FIG4: variants seen among roughly 807,000 people sequenced by gnomAD.
FIG4 encodes FIG4 phosphoinositide 5-phosphatase.
FIG4 carries 112 observed loss-of-function variants against 118.6 expected under a neutral mutation model. The observed-to-expected ratio is 0.94, with a 90% CI of 0.81 to 1.11. The LOEUF (loss-of-function observed/expected upper bound fraction) is 1.11, where lower values mean the gene tolerates loss of function less well. Among genes scored for constraint, FIG4 ranks in the 50% least tolerant of loss-of-function variants. FIG4 has a pLI of 0.00. For synonymous variants in FIG4, 369 were observed against 381.2 expected, an observed-to-expected ratio of 0.97 and a Z score of 0.37; for missense variants, 969 against 1,111.7, an observed-to-expected ratio of 0.87 and a Z score of 1.83.
chr6:109,764,780 A>T (rs1450898930), intron 13 of FIG4, among the ~76,000 whole-genome samples: 1 of 152,234 alleles, frequency 6.6e-6, no homozygotes, highest in Non-Finnish European at 1.5e-5. Context: ...AGAAGATTTA[A>T]CGGTGCTGTT....
intron 6 of FIG4, 80 bp downstream of exon 6, chr6:109,735,378 C>A: frequency 7.4e-7 from 1 of 1,356,854 alleles, no homozygotes; most frequent in Non-Finnish European, 1.1e-6. Context: ...TCACATTTCC[C>A]TCATATTTGT....
chr6:109,773,535 C>T (rs1464585220), intron 15 of FIG4, among the ~76,000 whole-genome samples: 2 of 152,212 alleles, frequency 1.3e-5, no homozygotes, highest in Non-Finnish European at 2.9e-5. Flanking sequence ...CACTGTTCCC[C>T]AATCCCATCT....
intron 15 of FIG4, among the ~76,000 whole-genome samples, chr6:109,776,361 C>T (rs933046772): frequency 3.9e-5 from 6 of 152,248 alleles, no homozygotes; most frequent in Admixed American, 2.0e-4. Flanking sequence ...GGGCCAGGCT[C>T]ACAGCTGACA....
At chr6:109,775,917 A>G (rs1253053455) in intron 15 of FIG4, among the ~76,000 whole-genome samples, 4 of 152,226 alleles carry the variant, frequency 2.6e-5, no homozygotes, top group Admixed American at 6.5e-5. Context: ...CTTGTTCGCT[A>G]TAACTGTTGG....
At chr6:109,693,738 G>A (rs534087785) in intron 1 of FIG4, among the ~76,000 whole-genome samples, 1 of 152,116 alleles carries the variant, frequency 6.6e-6, no homozygotes, top group Admixed American at 6.6e-5. Flanking sequence ...GGCCAGGGGG[G>A]GTCTGGCAGG....
In FIG4 at chr6:109,786,291, A is replaced by C. The variant is rs1327804496; in HGVS notation, c.1949-11A>C. 1 of 1,607,754 alleles carries C rather than the reference A, an allele frequency of 6.2e-7. No individual in the cohort carries two copies. The highest frequency in any genetic ancestry group is 8.5e-7 in the Non-Finnish European group (1 of 1,174,658). On this transcript the variant is annotated splice_polypyrimidine_tract_variant and intron_variant, in intron 17 of 22. Coordinates refer to ENST00000230124, the MANE Select transcript of FIG4 (RefSeq NM_014845.6). ...TCAGACTTTTAGAGTAACATGCAGT[A>C]TCTCTCTTAGTTATCTGTGCTGTGA... is the stretch of plus-strand genomic sequence containing the variant.
At chr6:109,821,015 G>A (rs1214615146) in intron 22 of FIG4, among the ~76,000 whole-genome samples, 2 of 152,114 alleles carry the variant, frequency 1.3e-5, no homozygotes, top group Non-Finnish European at 2.9e-5. Context: ...AAACAGAAGG[G>A]GTTCACCCAA....
chr6:109,718,487 T>C (rs1775504127), intron 3 of FIG4, among the ~76,000 whole-genome samples: 1 of 152,242 alleles, frequency 6.6e-6, no homozygotes, highest in African/African-American at 2.4e-5. Flanking sequence ...CTATGAAAAC[T>C]TTGATTATAT....
At chr6:109,773,844 A>AT (rs1282175339) in intron 15 of FIG4, among the ~76,000 whole-genome samples, 9 of 151,738 alleles carry the variant, frequency 5.9e-5, no homozygotes, top group East Asian at 1.9e-4. Flanking sequence ...TTATTTATTT[A>AT]TTTTTTCTGT....
At chr6:109,743,450 C>G (rs577685907) in intron 9 of FIG4, 178 bp downstream of exon 9, 1 of 673,308 alleles carries the variant, frequency 1.5e-6, no homozygotes, top group East Asian at 2.7e-5. Flanking sequence ...TTAATTTTGA[C>G]TGTTAAATAA....
At position 109,791,452 on chromosome 6, in the gene FIG4, G is replaced by C. The variant is rs1426463780; in HGVS notation, c.2257G>C (p.Ala753Pro). The C allele has an allele frequency of 3.1e-6, 5 of 1,613,864 alleles. No homozygotes were observed. Among genetic ancestry groups the C allele is most frequent in the Middle Eastern group, 1.6e-4 (1 of 6,062 alleles). ...ASAPPPPSEE[A>P]VSSSSEDDSG... ...CGCCCCGCCGCCCCCCAGCGAGGAG[G>C]CTGTGTCCAGCAGCTCTGAGGATGA... The change falls in exon 20 of 23, where the codon GCT becomes CCT. Residue 753 changes from alanine (A) to proline (P), a missense_variant. By Grantham distance (27) the Ala-to-Pro change is conservative. Coordinates refer to ENST00000230124, the MANE Select transcript of FIG4 (RefSeq NM_014845.6).
chr6:109,811,233 A>T (rs1778711930), intron 22 of FIG4, among the ~76,000 whole-genome samples: 3 of 152,206 alleles, frequency 2.0e-5, no homozygotes, highest in Admixed American at 2.0e-4. Context: ...TAAGTGAAAC[A>T]TATAGGGAGG....
chr6:109,776,662 C>T (rs1309831051), intron 15 of FIG4, among the ~76,000 whole-genome samples: 1 of 152,068 alleles, frequency 6.6e-6, no homozygotes, highest in Non-Finnish European at 1.5e-5. Context: ...TAAGTGTCTC[C>T]AAATTCAACA....
chr6:109,751,825 TA>T (rs1454162816), intron 10 of FIG4, among the ~76,000 whole-genome samples: 1 of 150,600 alleles, frequency 6.6e-6, no homozygotes, highest in Non-Finnish European at 1.5e-5. Flanking sequence ...TTTTTTTAAG[TA>T]TTTTTTTTCT....
chr6:109,779,007 G>C (rs1475329569), intron 16 of FIG4, among the ~76,000 whole-genome samples: 1 of 152,030 alleles, frequency 6.6e-6, no homozygotes, highest in Non-Finnish European at 1.5e-5. Context: ...GCATATTATT[G>C]GAATAACCAA....
At chr6:109,768,130 G>A (rs942839308) in intron 15 of FIG4, among the ~76,000 whole-genome samples, 1 of 152,192 alleles carries the variant, frequency 6.6e-6, no homozygotes, top group African/African-American at 2.4e-5. Context: ...AGTGTTGACT[G>A]GTAACCGGAT....
intron 22 of FIG4, among the ~76,000 whole-genome samples, chr6:109,802,024 A>G (rs994020282): frequency 5.9e-5 from 9 of 152,200 alleles, no homozygotes; most frequent in East Asian, 1.9e-4. Context: ...TCAGTGATTA[A>G]TCAGCTAATT....
chr6:109,799,734 G>T (rs1295315181), intron 22 of FIG4, among the ~76,000 whole-genome samples: 1 of 152,062 alleles, frequency 6.6e-6, no homozygotes, highest in Non-Finnish European at 1.5e-5. Flanking sequence ...GTGGAACAGG[G>T]GCTCTTGAAA....
intron 16 of FIG4, among the ~76,000 whole-genome samples, chr6:109,779,433 G>C (rs1753580987): frequency 6.6e-6 from 1 of 152,184 alleles, no homozygotes; most frequent in African/African-American, 2.4e-5. Flanking sequence ...AAAGGAAATT[G>C]AGGTGCAGAG....
Sources: gnomAD v4.1 joint callset for allele counts (sites outside exome capture counted in the v4.1 genomes callset) on GRCh38, gnomAD v4.1.1 for gene constraint, MANE v1.5 for transcripts, NCBI Gene and HGNC (gene_info 2026-07-23, HGNC 2026-07-21) for gene names.